The following RPS6KC1 variants were observed in gnomAD, a reference collection of about 807,000 sequenced individuals.
RPS6KC1 encodes ribosomal protein S6 kinase C1, also known as inactive ribosomal protein S6 kinase delta-1.
RPS6KC1 carries 54 observed loss-of-function variants against 103.8 expected under a neutral mutation model. The ratio of observed to expected loss-of-function variants is 0.52; its 90% confidence interval spans 0.42 to 0.65. The LOEUF is 0.65. Ranked by LOEUF, RPS6KC1 falls within the 30% of genes least tolerant of loss-of-function variation. The pLI is 0.00. For missense variants in RPS6KC1, 1,151 were observed against 1,253.8 expected (o/e 0.92, Z 1.24); for synonymous variants, 439 against 438.7 (o/e 1.00, Z -0.01).
chr1:213,459,161 A>G, the RPS6KC1 span, among the ~76,000 whole-genome samples: 17 of 152,132 alleles, frequency 1.1e-4, no homozygotes, highest in Non-Finnish European at 2.1e-4. Flanking sequence ...TATTGTTTGG[A>G]ATACTTTCAG....
the RPS6KC1 span, among the ~76,000 whole-genome samples, chr1:213,480,714 A>G: frequency 2.6e-5 from 4 of 152,074 alleles, no homozygotes; most frequent in East Asian, 1.9e-4. Flanking sequence ...TAAAGTCAGG[A>G]AAAAAAGTCT....
At chr1:213,527,068 T>G in the RPS6KC1 span, among the ~76,000 whole-genome samples, 14 of 152,256 alleles carry the variant, frequency 9.2e-5, no homozygotes, top group African/African-American at 3.1e-4. Context: ...TGGAAGGTGC[T>G]GTAAATATGA....
At chr1:213,055,422 C>G (rs903317917) in intron 1 of RPS6KC1, among the ~76,000 whole-genome samples, 1 of 151,810 alleles carries the variant, frequency 6.6e-6, no homozygotes. Context: ...GACTCATATT[C>G]CATTGTATGG....
the RPS6KC1 span, among the ~76,000 whole-genome samples, chr1:213,428,518 CTCT>C: frequency 6.7e-4 from 37 of 54,972 alleles, no homozygotes; most frequent in Non-Finnish European, 9.7e-4. Flanking sequence ...TCCTTCCTTC[CTCT>C]TTCTCTCTCT....
chr1:213,780,137 G>T, the RPS6KC1 span, among the ~76,000 whole-genome samples: 1 of 152,180 alleles, frequency 6.6e-6, no homozygotes, highest in Non-Finnish European at 1.5e-5. Context: ...AAAATGCAAC[G>T]CAGAAAGAAG....
rs1485625867 is a variant in RPS6KC1 at position 213,051,283 on chromosome 1, C to T, written c.-122C>T. On this transcript the variant is annotated 5_prime_UTR_variant, in exon 1 of 15. Coordinates refer to ENST00000366960, the MANE Select transcript of RPS6KC1 (RefSeq NM_012424.6). Reference sequence around the variant, plus strand: ...GTGCAGCTGAGGCGCCGCCGTGGAGCCGCCTTGGAGCCACCGCCCCCTCGC... The same window carrying T: ...GTGCAGCTGAGGCGCCGCCGTGGAGTCGCCTTGGAGCCACCGCCCCCTCGC... The T allele has an allele frequency of 6.0e-6, 4 of 670,052 alleles. No homozygotes were observed. The highest frequency in any genetic ancestry group is 7.7e-6 in the Non-Finnish European group (3 of 389,368). The allele number at this position is 670,052 out of a possible 1,614,324, so 41.5% of individuals were successfully genotyped here.
chr1:213,316,700 AGTGT>A, the RPS6KC1 span, among the ~76,000 whole-genome samples: 15,351 of 144,286 alleles, frequency 0.11, 825 homozygotes, highest in East Asian at 0.15. Flanking sequence ...TAGGGCATGC[AGTGT>A]GTGTGTGTGT....
At chr1:213,467,613 A>T in the RPS6KC1 span, among the ~76,000 whole-genome samples, 1 of 152,172 alleles carries the variant, frequency 6.6e-6, no homozygotes, top group African/African-American at 2.4e-5. Flanking sequence ...GTTTTTGGCA[A>T]ATGAAGAAAT....
chr1:213,363,812 T>C, the RPS6KC1 span, among the ~76,000 whole-genome samples: 1,230 of 95,450 alleles, frequency 0.013, 147 homozygotes, highest in Middle Eastern at 0.026. Flanking sequence ...CTTTCTTTCT[T>C]TCTTCTCTCT....
chr1:213,087,432 T>C (rs1558290446), intron 3 of RPS6KC1, among the ~76,000 whole-genome samples: 1 of 152,246 alleles, frequency 6.6e-6, no homozygotes, highest in Non-Finnish European at 1.5e-5. Context: ...TTATTGGTTC[T>C]AAGAGGCTGT....
chr1:213,560,861 A>G, the RPS6KC1 span, among the ~76,000 whole-genome samples: 2 of 152,190 alleles, frequency 1.3e-5, no homozygotes, highest in Admixed American at 1.3e-4. Context: ...CTTTCATAGT[A>G]AGCAGTGGGC....
intron 10 of RPS6KC1, 43 bp from the exon 11 acceptor site, chr1:213,240,659 G>T: frequency 6.7e-7 from 1 of 1,487,442 alleles, no homozygotes; most frequent in Non-Finnish European, 9.1e-7. Context: ...TGTCAATTTG[G>T]AGATCTTAAT....
the RPS6KC1 span, among the ~76,000 whole-genome samples, chr1:213,497,454 TAAC>T: frequency 1.3e-5 from 2 of 149,682 alleles, no homozygotes; most frequent in African/African-American, 4.9e-5. Context: ...ATTAAGAAAA[TAAC>T]AACACAGTCT....
chr1:213,263,639 A>AT (rs2094848617), intron 14 of RPS6KC1, among the ~76,000 whole-genome samples: 1 of 152,220 alleles, frequency 6.6e-6, no homozygotes, highest in Non-Finnish European at 1.5e-5. Context: ...ACAAAAATTA[A>AT]AAGAGGGCAG....
At chr1:213,515,915 G>A in the RPS6KC1 span, among the ~76,000 whole-genome samples, 1 of 151,126 alleles carries the variant, frequency 6.6e-6, no homozygotes, top group South Asian at 2.1e-4. Context: ...TTGAGCAGTG[G>A]TTTGTAGTTC....
the RPS6KC1 span, among the ~76,000 whole-genome samples, chr1:213,604,133 T>C: frequency 6.6e-6 from 1 of 152,242 alleles, no homozygotes; most frequent in Non-Finnish European, 1.5e-5. Flanking sequence ...GACAATCAGC[T>C]AGACTCTGCC....
the RPS6KC1 span, among the ~76,000 whole-genome samples, chr1:213,482,540 GTTTTTTTTT>G: frequency 6.5e-5 from 4 of 61,150 alleles, no homozygotes; most frequent in Non-Finnish European, 9.9e-5. Context: ...CTAACTTGAG[GTTTTTTTTT>G]TTTTTTTTTT....
At chr1:213,182,359 T>C (rs1201349717) in intron 8 of RPS6KC1, among the ~76,000 whole-genome samples, 1 of 151,926 alleles carries the variant, frequency 6.6e-6, no homozygotes, top group Non-Finnish European at 1.5e-5. Context: ...AGCATGGTGG[T>C]GCACGACTGT....
At chr1:213,668,775 C>T in the RPS6KC1 span, among the ~76,000 whole-genome samples, 1 of 152,138 alleles carries the variant, frequency 6.6e-6, no homozygotes, top group African/African-American at 2.4e-5. Context: ...ATCAATGATC[C>T]TAGTTAGATC....
Sources: gnomAD v4.1 joint callset for allele counts (sites outside exome capture counted in the v4.1 genomes callset) on GRCh38, gnomAD v4.1.1 for gene constraint, MANE v1.5 for transcripts, NCBI Gene and HGNC (gene_info 2026-07-23, HGNC 2026-07-21) for gene names.